PSD3: variants seen among roughly 807,000 people sequenced by gnomAD.
The protein encoded by PSD3 is PH and SEC7 domain-containing protein 3.
A neutral mutation model predicts 105.5 loss-of-function variants in PSD3; 49 were observed. That is an observed-to-expected ratio of 0.46 (90% CI 0.37 to 0.59). The LOEUF is 0.59. Among genes scored for constraint, PSD3 ranks in the 20% least tolerant of loss-of-function variants. The pLI, the probability that PSD3 is intolerant of heterozygous loss-of-function variation, is 0.00. For missense variants in PSD3, 1,561 were observed against 1,263.8 expected, an observed-to-expected ratio of 1.24 and a Z score of -3.57; for synonymous variants, 557 against 457.8, an observed-to-expected ratio of 1.22 and a Z score of -2.77.
intron 2 of PSD3, among the ~76,000 whole-genome samples, chr8:18,926,231 C>T (rs1821353027): frequency 6.6e-6 from 1 of 151,878 alleles, no homozygotes; most frequent in African/African-American, 2.4e-5. Flanking sequence ...CACAGACTGT[C>T]CACATGGGTG....
At chr8:18,537,277 A>C (rs1470071028) in intron 15 of PSD3, among the ~76,000 whole-genome samples, 1 of 152,250 alleles carries the variant, frequency 6.6e-6, no homozygotes, top group Non-Finnish European at 1.5e-5. Flanking sequence ...CAACAAAGGC[A>C]AAGACAAGTT....
At chr8:19,065,845 C>T (rs547537888) in intron 1 of PSD3, among the ~76,000 whole-genome samples, 21 of 152,168 alleles carry the variant, frequency 1.4e-4, no homozygotes, top group Non-Finnish European at 2.4e-4. Context: ...CTCCCATCCC[C>T]AGAGGCTAGG....
intron 1 of PSD3, among the ~76,000 whole-genome samples, chr8:18,975,494 T>C (rs1563479367): frequency 6.6e-6 from 1 of 152,128 alleles, no homozygotes; most frequent in Non-Finnish European, 1.5e-5. Context: ...ACTATGGAAC[T>C]AGAGATAAGT....
chr8:18,995,762 A>T (rs901214967), intron 1 of PSD3, among the ~76,000 whole-genome samples: 30 of 151,978 alleles, frequency 2.0e-4, no homozygotes, highest in African/African-American at 7.2e-4. Context: ...TGTGCAGGGG[A>T]ACTGCCTTTT....
intron 15 of PSD3, among the ~76,000 whole-genome samples, chr8:18,544,915 G>A (rs1165716951): frequency 6.6e-6 from 1 of 152,096 alleles, no homozygotes; most frequent in African/African-American, 2.4e-5. Context: ...ATCAGTAGAC[G>A]CTCCCCACCT....
rs558642614 is a variant in PSD3, at chr8:18,832,475, C to T, written c.1635-27577G>A. On this transcript the variant is annotated intron_variant, in intron 4 of 15. Coordinates refer to ENST00000327040, the MANE Select transcript of PSD3 (RefSeq NM_015310.4). ...CCTTTCAACTCCAATTTCCCTACGC[C>T]GCTACTTCTGCCAACCAGTACAGCT... Among the ~76,000 whole-genome samples, 23 of 152,260 alleles carry T rather than the reference C, an allele frequency of 1.5e-4. 1 individual carries two copies. In the East Asian group the frequency reaches 1.7e-3, roughly 11 times the overall value.
chr8:18,896,521 C>G (rs537922640), intron 2 of PSD3, among the ~76,000 whole-genome samples: 1 of 152,266 alleles, frequency 6.6e-6, no homozygotes, highest in South Asian at 2.1e-4. Context: ...TCAAGTGATT[C>G]TCCCACCTCA....
intron 9 of PSD3, among the ~76,000 whole-genome samples, chr8:18,713,997 C>A (rs182105308): frequency 6.6e-6 from 1 of 152,144 alleles, no homozygotes; most frequent in African/African-American, 2.4e-5. Context: ...ACCATCTGAT[C>A]GTCAACAAAC....
intron 9 of PSD3, among the ~76,000 whole-genome samples, chr8:18,678,852 G>C (rs1400941659): frequency 6.6e-6 from 1 of 152,006 alleles, no homozygotes; most frequent in Non-Finnish European, 1.5e-5. Context: ...CCTCTCATCA[G>C]AGTGCCAGCC....
intron 1 of PSD3, among the ~76,000 whole-genome samples, chr8:18,976,526 C>T (rs2129472412): frequency 6.6e-6 from 1 of 152,240 alleles, no homozygotes; most frequent in African/African-American, 2.4e-5. Flanking sequence ...TAGCAGTAGC[C>T]AAGTTCCAAA....
At chr8:18,662,903 G>T (rs912771928) in intron 9 of PSD3, among the ~76,000 whole-genome samples, 1 of 152,172 alleles carries the variant, frequency 6.6e-6, no homozygotes, top group Non-Finnish European at 1.5e-5. Context: ...ACAAGAATAG[G>T]AGAGGGAGTG....
rs1328697138 is a variant in PSD3 at position 19,000,858 on chromosome 8, A to C, written c.21+12705T>G. 2.0e-5 allele frequency: 3 copies of C among 151,892 alleles called. 1 individual carries two copies. The highest frequency in any genetic ancestry group is 7.3e-5 in the African/African-American group (3 of 41,312). The allele number at this position is 151,892 out of a possible 1,614,324, so 9.4% of individuals were successfully genotyped here. A position where few individuals can be genotyped will look rare whatever the true frequency, so the allele number is the denominator to read the frequency against. ...AGCTATGTAACAGCCTATGGGGTTT[A>C]ACTCATTCGCTAAAGAAACATATTG... On this transcript the variant is annotated intron_variant, in intron 1 of 15. Coordinates refer to ENST00000327040, the MANE Select transcript of PSD3 (RefSeq NM_015310.4).
At position 18,575,213 on chromosome 8, in the gene PSD3, C is replaced by T; in HGVS notation, c.2554G>A (p.Ala852Thr). 1 of 1,613,932 alleles carries T rather than the reference C, an allele frequency of 6.2e-7. No homozygotes were observed. The highest frequency in any genetic ancestry group is 8.5e-7 in the Non-Finnish European group (1 of 1,179,896). ...TTCTCATAGTCCGTGGCCTTGGATG[C>T]CAATGCGTGGTGCACACTCACAGCG... ...KNAVSVHHALASKATDYEKKP... is the reference protein window; with the variant it reads ...KNAVSVHHALTSKATDYEKKP... The change falls in exon 13 of 16, where the codon GCA becomes ACA. Residue 852 changes from alanine to threonine, a missense_variant. By Grantham distance (58) the Ala-to-Thr change is moderately conservative. Coordinates refer to ENST00000327040, the MANE Select transcript of PSD3 (RefSeq NM_015310.4).
At chr8:18,691,198 AG>A (rs1308236317) in intron 9 of PSD3, among the ~76,000 whole-genome samples, 2 of 152,204 alleles carry the variant, frequency 1.3e-5, no homozygotes, top group African/African-American at 4.8e-5. Context: ...TTCTTAAGGC[AG>A]GGGGAACACC....
intron 1 of PSD3, among the ~76,000 whole-genome samples, chr8:19,026,876 C>A (rs575917643): frequency 4.6e-5 from 7 of 151,686 alleles, no homozygotes; most frequent in African/African-American, 1.2e-4. Context: ...CCTGCCCCCC[C>A]ACCCAAAAAT....
intron 11 of PSD3, among the ~76,000 whole-genome samples, chr8:18,617,429 G>A (rs1431852381): frequency 6.6e-6 from 1 of 152,092 alleles, no homozygotes; most frequent in Non-Finnish European, 1.5e-5. Context: ...TACTCGGGAG[G>A]CTGAGGAAGG....
At chr8:18,964,959 T>C (rs921968805) in intron 1 of PSD3, among the ~76,000 whole-genome samples, 1 of 152,204 alleles carries the variant, frequency 6.6e-6, no homozygotes, top group Non-Finnish European at 1.5e-5. Flanking sequence ...ATATAAACTA[T>C]TAAAACACCA....
At chr8:18,928,932 T>C (rs998865440) in intron 2 of PSD3, among the ~76,000 whole-genome samples, 4 of 151,850 alleles carry the variant, frequency 2.6e-5, no homozygotes, top group African/African-American at 9.7e-5. Flanking sequence ...TCCTCCCACC[T>C]CCAGCCTCCC....
Position 18,997,309 on chromosome 8 carries a change from C to G in PSD3, c.21+16254G>C, listed in dbSNP as rs1401348630. Among the ~76,000 whole-genome samples, 2 of 151,860 alleles carry G rather than the reference C, an allele frequency of 1.3e-5. 1 individual carries two copies. Among genetic ancestry groups the G allele is most frequent in the Non-Finnish European group, 2.9e-5 (2 of 67,958 alleles). ...TAATGCACCTCCATCCTTCAAGATG[C>G]ACAGGCCAGTATTTTGCAAGTCACC... is the stretch of plus-strand genomic sequence containing the variant. On this transcript the variant is annotated intron_variant, in intron 1 of 15. Transcript: ENST00000327040.
Sources: gnomAD v4.1 joint callset for allele counts (sites outside exome capture counted in the v4.1 genomes callset) on GRCh38, gnomAD v4.1.1 for gene constraint, MANE v1.5 for transcripts, NCBI Gene and HGNC (gene_info 2026-07-23, HGNC 2026-07-21) for gene names.